The following ENOX1 variants were observed in gnomAD, a reference collection of about 807,000 sequenced individuals.
ENOX1 encodes candidate growth-related and time keeping constitutive hydroquinone (NADH) oxidase.
A neutral mutation model predicts 82.5 loss-of-function variants in ENOX1; 42 were observed. The ratio of observed to expected loss-of-function variants is 0.51; its 90% CI spans 0.40 to 0.66. The LOEUF (loss-of-function observed/expected upper bound fraction) is 0.66. Among genes scored for constraint, ENOX1 ranks in the 30% least tolerant of loss-of-function variants. The pLI is 0.00. For missense variants in ENOX1, 608 were observed against 811.6 expected (o/e 0.75, Z 3.05); for synonymous variants, 271 against 282.2 (o/e 0.96, Z 0.40).
At chr13:43,586,123 C>T (rs1408983430) in intron 2 of ENOX1, among the ~76,000 whole-genome samples, 1 of 152,178 alleles carries the variant, frequency 6.6e-6, no homozygotes, top group Non-Finnish European at 1.5e-5. Context: ...AAACTTCAGC[C>T]TGTGGCTCCT....
At chr13:43,518,259 A>T (rs2077631691) in intron 2 of ENOX1, among the ~76,000 whole-genome samples, 1 of 152,044 alleles carries the variant, frequency 6.6e-6, no homozygotes, top group Non-Finnish European at 1.5e-5. Context: ...GTGAGAACAG[A>T]TCTAAGCCAA....
chr13:43,335,982 C>T (rs2153537913), intron 9 of ENOX1, among the ~76,000 whole-genome samples: 2 of 152,264 alleles, frequency 1.3e-5, no homozygotes, highest in Middle Eastern at 6.8e-3. Flanking sequence ...GCACTTAATG[C>T]ATTGGCAAAT....
chr13:43,238,518 G>C (rs1445194733), intron 14 of ENOX1, among the ~76,000 whole-genome samples: 1 of 152,126 alleles, frequency 6.6e-6, no homozygotes, highest in Non-Finnish European at 1.5e-5. Context: ...TCTGTTAGTT[G>C]TATGCCCTAA....
At chr13:43,703,864 T>A (rs544173743) in intron 1 of ENOX1, among the ~76,000 whole-genome samples, 28 of 152,068 alleles carry the variant, frequency 1.8e-4, no homozygotes, top group South Asian at 1.5e-3. Context: ...ATATATATAT[T>A]TTTTTAAAAA....
chr13:43,505,609 T>C (rs1037618262), intron 2 of ENOX1, among the ~76,000 whole-genome samples: 13 of 152,110 alleles, frequency 8.5e-5, no homozygotes, highest in African/African-American at 3.1e-4. Flanking sequence ...GTTGTTTTTT[T>C]CTTGTAAATT....
intron 2 of ENOX1, among the ~76,000 whole-genome samples, chr13:43,506,839 G>A (rs1433787328): frequency 6.6e-6 from 1 of 150,970 alleles, no homozygotes; most frequent in Non-Finnish European, 1.5e-5. Flanking sequence ...AATGTTGTGG[G>A]GTGGGGGGAC....
chr13:43,436,466 T>C (rs1158918309), intron 3 of ENOX1, among the ~76,000 whole-genome samples: 1 of 152,190 alleles, frequency 6.6e-6, no homozygotes, highest in Non-Finnish European at 1.5e-5. Flanking sequence ...AAACAATACC[T>C]AAAATATTAT....
chr13:43,628,266 TGTGAG>T (rs2083055464), intron 2 of ENOX1, among the ~76,000 whole-genome samples: 1 of 152,194 alleles, frequency 6.6e-6, no homozygotes. Flanking sequence ...CCCACAGGTC[TGTGAG>T]GTGCTGTTCA....
intron 2 of ENOX1, among the ~76,000 whole-genome samples, chr13:43,552,040 A>G (rs2079219527): frequency 6.6e-6 from 1 of 152,256 alleles, no homozygotes; most frequent in South Asian, 2.1e-4. Flanking sequence ...AGTCATCTCC[A>G]ACCTCTCCAG....
chr13:43,251,800 C>G (rs1213968355), intron 14 of ENOX1, among the ~76,000 whole-genome samples: 1 of 152,134 alleles, frequency 6.6e-6, no homozygotes, highest in East Asian at 1.9e-4. Context: ...TTCAGGAAAT[C>G]AGGCCAACAT....
intron 2 of ENOX1, among the ~76,000 whole-genome samples, chr13:43,499,951 T>G (rs2076924314): frequency 6.6e-6 from 1 of 151,614 alleles, no homozygotes; most frequent in African/African-American, 2.4e-5. Flanking sequence ...AACTAAAAAA[T>G]TAAACGGTTT....
At chr13:43,781,606 C>T (rs908036326) in intron 1 of ENOX1, among the ~76,000 whole-genome samples, 1 of 152,018 alleles carries the variant, frequency 6.6e-6, no homozygotes, top group African/African-American at 2.4e-5. Flanking sequence ...CTCTGCCTCC[C>T]GGGTTCAAGC....
intron 2 of ENOX1, among the ~76,000 whole-genome samples, chr13:43,484,974 T>C (rs904253725): frequency 1.6e-4 from 25 of 152,170 alleles, no homozygotes; most frequent in African/African-American, 6.0e-4. Flanking sequence ...ACTGCAAACT[T>C]CTCATCTTCC....
At chr13:43,332,916 T>C (rs563605514) in intron 9 of ENOX1, among the ~76,000 whole-genome samples, 1 of 152,322 alleles carries the variant, frequency 6.6e-6, no homozygotes, top group African/African-American at 2.4e-5. Context: ...CCAAGTTCTC[T>C]TTTTAAAGGT....
At chr13:43,371,290 G>A (rs970870029) in intron 5 of ENOX1, among the ~76,000 whole-genome samples, 8 of 152,166 alleles carry the variant, frequency 5.3e-5, no homozygotes, top group African/African-American at 1.9e-4. Context: ...CTAAGAAGTC[G>A]CTAATTTTTA....
In ENOX1 at chr13:43,637,030, G is replaced by C. The variant is rs559906743; in HGVS notation, c.-219+30449C>G. On this transcript the variant is annotated intron_variant, in intron 2 of 16. Coordinates refer to ENST00000690772, the MANE Select transcript of ENOX1 (RefSeq NM_001347969.2). Reference sequence around the variant, plus strand: ...TCTTTTCTGTAAAATGAGAAATCAGGATTGGTGAGATGACAGTTAAGGATA... The same window carrying C: ...TCTTTTCTGTAAAATGAGAAATCAGCATTGGTGAGATGACAGTTAAGGATA... Among the ~76,000 whole-genome samples, 15 of 152,280 alleles carry C rather than the reference G, an allele frequency of 9.9e-5. 3 individuals are homozygous for C. Among genetic ancestry groups the C allele is most frequent in the African/African-American group, 3.6e-4 (15 of 41,562 alleles).
Position 43,391,854 on chromosome 13 carries a change from G to A in ENOX1, c.208+20062C>T, listed in dbSNP as rs77490007. ...TTAAATTCAATCATAGAATCCCTCT[G>A]TTTCAGGGAATGAATAAATAAATCA... On this transcript the variant is annotated intron_variant, in intron 5 of 16. Transcript: ENST00000690772. 6.9e-3 allele frequency among the ~76,000 whole-genome samples: 1,046 copies of A among 152,210 alleles called. 5 individuals are homozygous for A. Among genetic ancestry groups the A allele is most frequent in the Non-Finnish European group, 1.0e-2 (679 of 68,010 alleles).
intron 3 of ENOX1, among the ~76,000 whole-genome samples, chr13:43,419,891 A>G (rs543837872): frequency 6.6e-6 from 1 of 152,254 alleles, no homozygotes; most frequent in South Asian, 2.1e-4. Flanking sequence ...GAATGGCTTG[A>G]ACCTGGGAGG....
intron 1 of ENOX1, among the ~76,000 whole-genome samples, chr13:43,758,980 C>G (rs568617202): frequency 4.0e-4 from 61 of 152,230 alleles, no homozygotes; most frequent in African/African-American, 1.4e-3. Flanking sequence ...AAGGAAAGGA[C>G]GCTCTGTTTG....
Sources: allele counts gnomAD v4.1 joint callset (sites outside exome capture counted in the v4.1 genomes callset), GRCh38; gene constraint gnomAD v4.1.1; transcripts MANE v1.5; gene names NCBI Gene and HGNC (gene_info 2026-07-23, HGNC 2026-07-21).